SLC30A8: variants seen among roughly 807,000 people sequenced by gnomAD.
SLC30A8 encodes the protein solute carrier family 30 member 8.
Under a neutral mutation model 36.9 loss-of-function variants are expected in SLC30A8, and 27 were observed. The observed-to-expected ratio is 0.73, with a 90% CI of 0.54 to 1.01. The LOEUF (loss-of-function observed/expected upper bound fraction) is 1.01. Ranked by LOEUF, SLC30A8 falls within the 50% of genes least tolerant of loss-of-function variation. SLC30A8 has a pLI of 0.00. For synonymous variants in SLC30A8, 164 were observed against 172.4 expected, an observed-to-expected ratio of 0.95 and a Z score of 0.38; for missense variants, 439 against 452.0, an observed-to-expected ratio of 0.97 and a Z score of 0.26.
chr8:117,173,755 T>A lies in SLC30A8; in HGVS notation c.*1074T>A, dbSNP rs1323949447. ...TTTTTAAAAGTTACCCAGAGATGCT[T>A]CTAAAGATGAGCCATAGTCTAGAAG... is the stretch of plus-strand genomic sequence containing the variant. On this transcript the variant is annotated 3_prime_UTR_variant, in exon 8 of 8. Coordinates refer to ENST00000456015, the MANE Select transcript of SLC30A8 (RefSeq NM_173851.3). 6.6e-6 allele frequency: 1 copy of A among 152,124 alleles called. No homozygotes were observed. The highest frequency in any genetic ancestry group is 1.5e-5 in the Non-Finnish European group (1 of 68,012). The allele number at this position is 152,124 out of a possible 1,614,324, so 9.4% of individuals were successfully genotyped here. A position where few individuals can be genotyped will look rare whatever the true frequency, so the allele number is the denominator to read the frequency against.
chr8:117,107,323 ATAAAG>A (rs1278895897), intron 2 of SLC30A8, among the ~76,000 whole-genome samples: 7 of 152,190 alleles, frequency 4.6e-5, no homozygotes, highest in African/African-American at 1.2e-4. Context: ...CTCTTTTTAG[ATAAAG>A]TAAAATTTAA....
chr8:116,981,875 C>T (rs908149051), intron 1 of SLC30A8, among the ~76,000 whole-genome samples: 2 of 152,132 alleles, frequency 1.3e-5, no homozygotes, highest in Non-Finnish European at 2.9e-5. Flanking sequence ...CTGTGATGAA[C>T]ATATGTGTGC....
intron 1 of SLC30A8, among the ~76,000 whole-genome samples, chr8:116,963,696 C>T (rs759992273): frequency 6.6e-6 from 1 of 152,066 alleles, no homozygotes; most frequent in Non-Finnish European, 1.5e-5. Flanking sequence ...TTTTGGCTAT[C>T]GTGAATAGTG....
chr8:117,112,776 G>A (rs1024646242), intron 2 of SLC30A8, among the ~76,000 whole-genome samples: 2 of 152,122 alleles, frequency 1.3e-5, no homozygotes, highest in South Asian at 2.1e-4. Flanking sequence ...AGTCCAGGGC[G>A]AATGCTGGGG....
At chr8:117,078,958 G>T (rs775641226) in intron 2 of SLC30A8, among the ~76,000 whole-genome samples, 25 of 152,018 alleles carry the variant, frequency 1.6e-4, no homozygotes, top group Admixed American at 6.6e-4. Flanking sequence ...AAAGTGTTGG[G>T]ATTAAAGGTG....
chr8:117,041,866 A>G (rs1454390114), intron 2 of SLC30A8, among the ~76,000 whole-genome samples: 1 of 152,174 alleles, frequency 6.6e-6, no homozygotes, highest in Non-Finnish European at 1.5e-5. Flanking sequence ...CAGCCTCTTC[A>G]TCCCGCCATT....
At chr8:117,051,817 TA>T (rs71305458) in intron 2 of SLC30A8, among the ~76,000 whole-genome samples, 2 of 149,586 alleles carry the variant, frequency 1.3e-5, no homozygotes, top group African/African-American at 2.5e-5. Flanking sequence ...TGTTTCAAAA[TA>T]AAAAAAAATA....
intron 2 of SLC30A8, among the ~76,000 whole-genome samples, chr8:117,095,050 G>A (rs1340022394): frequency 6.6e-6 from 1 of 152,242 alleles, no homozygotes; most frequent in African/African-American, 2.4e-5. Context: ...AGCCTTGGGG[G>A]CAGGTGGGGC....
rs192487151 is a variant in SLC30A8 at position 116,977,761 on chromosome 8, C to T, written c.-266+26642C>T. ...TCTTGATCTCATGATCCACCTGCCT[C>T]GGCCTCCCAAAGTGTTGGGATTACA... On this transcript the variant is annotated intron_variant, in intron 1 of 10. Coordinates refer to the SLC30A8 transcript ENST00000427715. Among the ~76,000 whole-genome samples the T allele has an allele frequency of 2.0e-3, 299 of 152,192 alleles. 2 individuals carry two copies. Among genetic ancestry groups the T allele is most frequent in the African/African-American group, 6.6e-3 (274 of 41,514 alleles).
chr8:117,156,491 C>T (rs1822493380), intron 3 of SLC30A8, among the ~76,000 whole-genome samples: 1 of 152,160 alleles, frequency 6.6e-6, no homozygotes, highest in Non-Finnish European at 1.5e-5. Flanking sequence ...TCTAAAGTCA[C>T]ATAGCCAGTC....
intron 1 of SLC30A8, among the ~76,000 whole-genome samples, chr8:117,020,676 G>T (rs1466232423): frequency 6.9e-6 from 1 of 143,908 alleles, no homozygotes; most frequent in Non-Finnish European, 1.5e-5. Flanking sequence ...TGGATATACA[G>T]CTATTTTATA....
At chr8:117,074,067 G>A (rs1818417691) in intron 2 of SLC30A8, among the ~76,000 whole-genome samples, 1 of 152,054 alleles carries the variant, frequency 6.6e-6, no homozygotes, top group Non-Finnish European at 1.5e-5. Flanking sequence ...AGTGACAGAA[G>A]GTGGAAGACT....
intron 1 of SLC30A8, among the ~76,000 whole-genome samples, chr8:116,966,488 T>A (rs1209165759): frequency 6.6e-6 from 1 of 152,120 alleles, no homozygotes; most frequent in Non-Finnish European, 1.5e-5. Flanking sequence ...CATAATCCTA[T>A]AAACATGTTT....
chr8:117,089,728 T>G (rs1473998723), intron 2 of SLC30A8, among the ~76,000 whole-genome samples: 1 of 152,126 alleles, frequency 6.6e-6, no homozygotes, highest in Non-Finnish European at 1.5e-5. Context: ...TCTTTCCTCC[T>G]TCTTTCTACT....
At chr8:117,115,812 C>T (rs550860203) in intron 2 of SLC30A8, among the ~76,000 whole-genome samples, 74 of 152,104 alleles carry the variant, frequency 4.9e-4, no homozygotes, top group South Asian at 2.7e-3. Context: ...GAGGGGCTAG[C>T]TGTTCTGAGA....
At chr8:116,958,985 G>T (rs1305079988) in intron 1 of SLC30A8, among the ~76,000 whole-genome samples, 1 of 151,254 alleles carries the variant, frequency 6.6e-6, no homozygotes, top group Non-Finnish European at 1.5e-5. Context: ...GAGTAGCTGG[G>T]ACTACAGGCG....
intron 2 of SLC30A8, among the ~76,000 whole-genome samples, chr8:117,147,959 T>C (rs888046541): frequency 1.3e-5 from 2 of 152,088 alleles, no homozygotes; most frequent in South Asian, 4.1e-4. Context: ...TACTCATTCG[T>C]TTTTTAGAAA....
intron 1 of SLC30A8, among the ~76,000 whole-genome samples, chr8:116,985,093 T>C (rs1264153104): frequency 6.6e-6 from 1 of 152,080 alleles, no homozygotes; most frequent in Non-Finnish European, 1.5e-5. Flanking sequence ...CCATGTATTA[T>C]TTTAGATACA....
chr8:117,001,326 A>G (rs960127092), intron 1 of SLC30A8, among the ~76,000 whole-genome samples: 2 of 147,704 alleles, frequency 1.4e-5, no homozygotes, highest in African/African-American at 5.0e-5. Flanking sequence ...TATGAAGTTG[A>G]TATCACGCAA....
Sources: allele counts gnomAD v4.1 joint callset (sites outside exome capture counted in the v4.1 genomes callset), GRCh38; gene constraint gnomAD v4.1.1; transcripts MANE v1.5; gene names NCBI Gene and HGNC (gene_info 2026-07-23, HGNC 2026-07-21).